PREX1: variants seen among roughly 807,000 people sequenced by gnomAD.
PREX1 encodes phosphatidylinositol 3,4,5-trisphosphate-dependent Rac exchanger 1 protein.
In PREX1, 41 loss-of-function variants were observed where a neutral mutation model predicts 198.3. That is an observed-to-expected ratio of 0.21 (90% CI 0.16 to 0.27). The LOEUF is 0.27. Among genes scored for constraint, PREX1 ranks in the 10% least tolerant of loss-of-function variants. The pLI is 1.00. For synonymous variants in PREX1, 843 were observed against 887.2 expected (o/e 0.95, Z 0.89); for missense variants, 1,620 against 2,200.7 (o/e 0.74, Z 5.28).
chr20:48,664,876 TC>T (rs1568812205), intron 15 of PREX1, among the ~76,000 whole-genome samples: 1 of 93,194 alleles, frequency 1.1e-5, no homozygotes. Flanking sequence ...TAATCCCGGC[TC>T]CAGACGGCCT....
At chr20:48,683,205 G>GT (rs2089763882) in intron 10 of PREX1, among the ~76,000 whole-genome samples, 1 of 152,246 alleles carries the variant, frequency 6.6e-6, no homozygotes, top group Non-Finnish European at 1.5e-5. Flanking sequence ...CCCACCAGCT[G>GT]TCTAATTGGG....
At chr20:48,847,897 C>T in the PREX1 span, among the ~76,000 whole-genome samples, 1 of 152,158 alleles carries the variant, frequency 6.6e-6, no homozygotes, top group Non-Finnish European at 1.5e-5. Flanking sequence ...TTCTTTCACT[C>T]AACATAAACA....
At chr20:48,875,591 A>G in the PREX1 span, among the ~76,000 whole-genome samples, 1 of 152,300 alleles carries the variant, frequency 6.6e-6, no homozygotes, top group South Asian at 2.1e-4. Flanking sequence ...ATGACTCTGG[A>G]GGGGACTGAA....
intron 15 of PREX1, among the ~76,000 whole-genome samples, chr20:48,661,691 T>C (rs1178836509): frequency 6.6e-6 from 1 of 150,760 alleles, no homozygotes; most frequent in African/African-American, 2.4e-5. Flanking sequence ...CCAGGCACAC[T>C]GGGGAGGCAT....
chr20:48,857,312 G>A, the PREX1 span, among the ~76,000 whole-genome samples: 1 of 152,342 alleles, frequency 6.6e-6, no homozygotes, highest in Non-Finnish European at 1.5e-5. Flanking sequence ...TCTAAAAGAA[G>A]TGACTATAAA....
chr20:48,692,466 A>G, intron 8 of PREX1: 1 of 471,628 alleles, frequency 2.1e-6, no homozygotes, highest in Non-Finnish European at 3.8e-6. Flanking sequence ...TGCAAGGAGG[A>G]AGGATTTGGG....
the PREX1 span, among the ~76,000 whole-genome samples, chr20:48,882,285 G>A: frequency 1.3e-5 from 2 of 151,834 alleles, no homozygotes; most frequent in South Asian, 2.1e-4. Context: ...GGCGGATCAC[G>A]AGGTCAGGAG....
At chr20:48,720,387 C>T (rs2089979795) in intron 5 of PREX1, among the ~76,000 whole-genome samples, 1 of 152,124 alleles carries the variant, frequency 6.6e-6, no homozygotes, top group South Asian at 2.1e-4. Context: ...TGGTTTTGTT[C>T]ACTTTGTACC....
At chr20:48,707,030 T>C (rs773927285) in intron 6 of PREX1, among the ~76,000 whole-genome samples, 1 of 152,180 alleles carries the variant, frequency 6.6e-6, no homozygotes, top group Non-Finnish European at 1.5e-5. Context: ...AACTGTTAAC[T>C]GCAAAGCCAT....
chr20:48,687,907 C>A (rs1183474259), intron 10 of PREX1, among the ~76,000 whole-genome samples: 3 of 152,162 alleles, frequency 2.0e-5, no homozygotes, highest in Non-Finnish European at 2.9e-5. Flanking sequence ...AGGCTCTGGG[C>A]ACTGAGAAGT....
At chr20:48,769,481 C>T (rs1034771492) in intron 1 of PREX1, among the ~76,000 whole-genome samples, 3 of 152,168 alleles carry the variant, frequency 2.0e-5, no homozygotes, top group Non-Finnish European at 2.9e-5. Flanking sequence ...ATCAAAGAGC[C>T]CTTGCATGTT....
rs536916287 is a variant in PREX1, at chr20:48,747,878, T to C, written c.222A>G (p.Ala74=). 5.0e-6 allele frequency: 8 copies of C among 1,612,436 alleles called. No homozygotes were observed. The highest frequency in any genetic ancestry group is 6.8e-6 in the Non-Finnish European group (8 of 1,179,308). The part of the protein sequence containing the change: ...YVGTLRFLQS[A]FLHRIRQNVA... Reference sequence around the variant, plus strand: ...CGTTCTGCCGGATGCGATGCAGGAATGCCTGGAGGAGAGAAGCAGAGAGAG... The same window carrying C: ...CGTTCTGCCGGATGCGATGCAGGAACGCCTGGAGGAGAGAAGCAGAGAGAG... The change falls in exon 2 of 40, where the codon GCA becomes GCG. Residue 74 remains alanine, a splice_region_variant and synonymous_variant. Transcript: ENST00000371941.
At chr20:48,795,691 T>C (rs2090359111) in intron 1 of PREX1, among the ~76,000 whole-genome samples, 1 of 151,770 alleles carries the variant, frequency 6.6e-6, no homozygotes, top group Non-Finnish European at 1.5e-5. Flanking sequence ...TGCAAAATGG[T>C]AGGCAGAAGT....
chr20:48,648,465 A>G (rs1458696114), intron 25 of PREX1, among the ~76,000 whole-genome samples: 2 of 152,130 alleles, frequency 1.3e-5, no homozygotes, highest in Admixed American at 6.5e-5. Context: ...CAGCTCCCCA[A>G]CAAGGAATAA....
intron 1 of PREX1, among the ~76,000 whole-genome samples, chr20:48,790,096 G>A (rs1011591105): frequency 6.6e-6 from 1 of 152,174 alleles, no homozygotes; most frequent in African/African-American, 2.4e-5. Context: ...GCCTTTCCTC[G>A]CTGAGGAACC....
At chr20:48,626,861 G>A (rs917010573) in intron 39 of PREX1, among the ~76,000 whole-genome samples, 3 of 152,186 alleles carry the variant, frequency 2.0e-5, no homozygotes, top group South Asian at 2.1e-4. Flanking sequence ...GGCAGATGAC[G>A]ACAGCAAACT....
At chr20:48,723,037 A>G (rs1288850705) in intron 5 of PREX1, among the ~76,000 whole-genome samples, 1 of 152,240 alleles carries the variant, frequency 6.6e-6, no homozygotes, top group Non-Finnish European at 1.5e-5. Context: ...CAAAGCCTGA[A>G]ATGCCAACTG....
At chr20:48,724,287 G>A (rs1057507995) in intron 5 of PREX1, among the ~76,000 whole-genome samples, 2 of 152,190 alleles carry the variant, frequency 1.3e-5, no homozygotes, top group African/African-American at 2.4e-5. Flanking sequence ...TCTCCAAGAG[G>A]GGGCTAATCA....
At chr20:48,725,739 A>C (rs1170921322) in intron 5 of PREX1, among the ~76,000 whole-genome samples, 3 of 152,250 alleles carry the variant, frequency 2.0e-5, no homozygotes, top group African/African-American at 7.2e-5. Context: ...CACCTGACCC[A>C]GGTCTCAGCC....
Sources: allele counts gnomAD v4.1 joint callset (sites outside exome capture counted in the v4.1 genomes callset), GRCh38; gene constraint gnomAD v4.1.1; transcripts MANE v1.5; gene names NCBI Gene and HGNC (gene_info 2026-07-23, HGNC 2026-07-21).